The following LMO7 variants were observed in gnomAD, a reference collection of about 807,000 sequenced individuals.
LMO7 encodes LIM domain 7.
A neutral mutation model predicts 206.5 loss-of-function variants in LMO7; 120 were observed. The observed-to-expected ratio is 0.58, with a 90% confidence interval of 0.50 to 0.68. The LOEUF is 0.68. LMO7 is among the 30% of genes least tolerant of loss of function. The pLI is 0.00. For synonymous variants in LMO7, 706 were observed against 681.5 expected (o/e 1.04, Z -0.56); for missense variants, 1,959 against 1,957.9 (o/e 1.00, Z -0.01).
chr13:75,710,639 C>G lies in LMO7; in HGVS notation c.70-2543C>G, dbSNP rs545182886. On this transcript the variant is annotated intron_variant, in intron 1 of 30. Transcript: ENST00000377534. ...TATAGGAATGCTTGTGATTTTTGCA[C>G]ATTGATTTTGTATCCTGAGACTTTG... 3.9e-5 allele frequency among the ~76,000 whole-genome samples: 6 copies of G among 151,960 alleles called. No individual in the cohort carries two copies. The East Asian group carries it at 1.2e-3, about 29-fold the overall frequency.
chr13:75,798,261 T>G (rs987472114), intron 6 of LMO7, among the ~76,000 whole-genome samples: 2 of 152,168 alleles, frequency 1.3e-5, no homozygotes, highest in African/African-American at 4.8e-5. Context: ...TCCCAGCTAC[T>G]CGGGAGGCCG....
At position 75,838,161 on chromosome 13, in the gene LMO7, A is replaced by T; in HGVS notation, c.3416A>T (p.Lys1139Ile). ...CTAGCATCTGAATCCATTTCTTTGA[A>T]AAACTTAAAAAGGCGATCACAATTT... ...ESKASESISLKNLKRRSQFFE... is the reference protein window; with the variant it reads ...ESKASESISLINLKRRSQFFE... The change falls in exon 20 of 31, where the codon AAA (lysine) becomes ATA (isoleucine). Residue 1139 changes from lysine (K) to isoleucine (I), a missense_variant. Transcript: ENST00000377534. 1 of 1,603,014 alleles carries T rather than the reference A, an allele frequency of 6.2e-7. No homozygotes were observed. The highest frequency in any genetic ancestry group is 1.7e-5 in the Admixed American group (1 of 59,922).
intron 1 of LMO7, among the ~76,000 whole-genome samples, chr13:75,683,109 G>A (rs1283412450): frequency 4.0e-5 from 6 of 148,346 alleles, no homozygotes; most frequent in Admixed American, 1.4e-4. Flanking sequence ...TGCCCAGGCT[G>A]GAGTGCAGTG....
intron 1 of LMO7, among the ~76,000 whole-genome samples, chr13:75,684,047 G>A (rs2040768571): frequency 6.6e-6 from 1 of 152,022 alleles, no homozygotes; most frequent in South Asian, 2.1e-4. Context: ...AAGGGAGGGG[G>A]GACAGAATGA....
At chr13:75,714,403 A>T (rs1474862258) in intron 2 of LMO7, among the ~76,000 whole-genome samples, 1 of 152,186 alleles carries the variant, frequency 6.6e-6, no homozygotes, top group Admixed American at 6.5e-5. Flanking sequence ...TTGCTAGATG[A>T]TGGGCATGTA....
chr13:75,621,846 G>C, exon 1 of LMO7: 1 of 1,599,912 alleles, frequency 6.3e-7, no homozygotes, highest in African/African-American at 1.3e-5. Context: ...TGTATCTCAG[G>C]GACAGAGTCT....
intron 4 of LMO7, among the ~76,000 whole-genome samples, chr13:75,792,525 T>C (rs550465257): frequency 4.3e-4 from 65 of 152,222 alleles, no homozygotes; most frequent in Non-Finnish European, 8.5e-4. Context: ...TATTTCATTC[T>C]GAGGTGTCGT....
At chr13:75,788,395 A>G (rs1003295651) in intron 4 of LMO7, among the ~76,000 whole-genome samples, 1 of 150,310 alleles carries the variant, frequency 6.7e-6, no homozygotes, top group African/African-American at 2.5e-5. Flanking sequence ...TGGAGGTTGC[A>G]ATGAGCCGAG....
At chr13:75,653,792 T>C (rs1256873390) in intron 1 of LMO7, among the ~76,000 whole-genome samples, 7 of 152,212 alleles carry the variant, frequency 4.6e-5, no homozygotes, top group South Asian at 2.1e-4. Flanking sequence ...GAACTTACAC[T>C]TGCAATTCTG....
At chr13:75,733,715 G>C (rs1415969181) in intron 3 of LMO7, among the ~76,000 whole-genome samples, 1 of 152,212 alleles carries the variant, frequency 6.6e-6, no homozygotes, top group East Asian at 1.9e-4. Flanking sequence ...CCCGTCTTCT[G>C]CGTCGCTCAT....
intron 4 of LMO7, among the ~76,000 whole-genome samples, chr13:75,785,888 G>T (rs1036232884): frequency 6.6e-6 from 1 of 152,152 alleles, no homozygotes; most frequent in Non-Finnish European, 1.5e-5. Flanking sequence ...AGTCTGGAAG[G>T]ACACCTGAAA....
intron 1 of LMO7, among the ~76,000 whole-genome samples, chr13:75,683,259 T>C (rs2040704386): frequency 6.6e-6 from 1 of 152,166 alleles, no homozygotes; most frequent in South Asian, 2.1e-4. Flanking sequence ...CTATTGATTG[T>C]GCTTGTGGTT....
At chr13:75,819,242 G>C (rs760808960) in intron 12 of LMO7, 151 bp from the exon 13 acceptor site, 3 of 726,074 alleles carry the variant, frequency 4.1e-6, no homozygotes, top group Non-Finnish European at 6.4e-6. Context: ...GTACAGAAAC[G>C]CTGGCTATAA....
intron 15 of LMO7, among the ~76,000 whole-genome samples, chr13:75,825,079 CTTTTG>C (rs1420918231): frequency 6.6e-6 from 1 of 151,712 alleles, no homozygotes; most frequent in Non-Finnish European, 1.5e-5. Context: ...AGGTATATTT[CTTTTG>C]TTTTTTTTTC....
At chr13:75,838,109 A>G in intron 19 of LMO7, 31 bp from the exon 20 acceptor site, 2 of 1,303,284 alleles carry the variant, frequency 1.5e-6, no homozygotes, top group Non-Finnish European at 2.2e-6. Flanking sequence ...ATAAAAATGA[A>G]TGACATAGTG....
intron 1 of LMO7, among the ~76,000 whole-genome samples, chr13:75,685,655 G>T (rs2040910535): frequency 6.6e-6 from 1 of 152,072 alleles, no homozygotes; most frequent in Admixed American, 6.6e-5. Context: ...CAGAGTTTCA[G>T]GCTTACCTTT....
chr13:75,656,535 T>A (rs1188072902), intron 1 of LMO7, among the ~76,000 whole-genome samples: 1 of 152,248 alleles, frequency 6.6e-6, no homozygotes, highest in Non-Finnish European at 1.5e-5. Context: ...CATTTTCTCT[T>A]AAGTTATGAC....
At chr13:75,703,739 T>TGTGTGCGCGC (rs57290262) in intron 1 of LMO7, among the ~76,000 whole-genome samples, 40 of 151,788 alleles carry the variant, frequency 2.6e-4, no homozygotes, top group African/African-American at 8.7e-4. Context: ...TGTGTGTGTG[T>TGTGTGCGCGC]GCACTGTGAG....
chr13:75,794,670 TC>T (rs1045181670), intron 4 of LMO7, among the ~76,000 whole-genome samples: 2 of 152,186 alleles, frequency 1.3e-5, no homozygotes, highest in African/African-American at 4.8e-5. Context: ...GGAAGTGCTT[TC>T]TTTTTAGGAT....
Sources: gnomAD v4.1 joint callset for allele counts (sites outside exome capture counted in the v4.1 genomes callset) on GRCh38, gnomAD v4.1.1 for gene constraint, MANE v1.5 for transcripts, NCBI Gene and HGNC (gene_info 2026-07-23, HGNC 2026-07-21) for gene names.